Variants in SMARCA4 observed in about 807,000 individuals in gnomAD.
The protein encoded by SMARCA4 is SWI/SNF related BAF chromatin remodeling complex subunit ATPase 4, also known as SWI/SNF-related matrix-associated actin-dependent regulator of chromatin subfamily A member 4.
A neutral mutation model predicts 193.9 loss-of-function variants in SMARCA4; 31 were observed. The observed-to-expected ratio is 0.16, with a 90% confidence interval of 0.12 to 0.22. SMARCA4 has a LOEUF of 0.22. SMARCA4 is among the 10% of genes least tolerant of loss of function. SMARCA4 has a pLI of 1.00. For missense variants in SMARCA4, 1,148 were observed against 2,296.0 expected, an observed-to-expected ratio of 0.50 and a Z score of 10.22; for synonymous variants, 942 against 933.1, an observed-to-expected ratio of 1.01 and a Z score of -0.17.
At chr19:11,046,680 C>T (rs563599550) in intron 30 of SMARCA4, among the ~76,000 whole-genome samples, 169 of 152,156 alleles carry the variant, frequency 1.1e-3, no homozygotes, top group Non-Finnish European at 1.9e-3. Context: ...CTCAGCTGGG[C>T]GTAGTGGTCA....
intron 6 of SMARCA4, 142 bp from the exon 7 acceptor site, chr19:10,989,174 GC>G: frequency 9.7e-7 from 1 of 1,031,358 alleles, no homozygotes; most frequent in Non-Finnish European, 1.5e-6. Flanking sequence ...GCTGTGCCCT[GC>G]GGCCAGCATC....
rs918120009 is a variant in SMARCA4 at position 10,984,571 on chromosome 19, C to T, written c.222+198C>T. Among the ~76,000 whole-genome samples, 6 of 152,386 alleles carry T rather than the reference C, an allele frequency of 3.9e-5. No individual in the cohort carries two copies. The highest frequency in any genetic ancestry group is 1.9e-4 in the East Asian group (1 of 5,182). On this transcript the variant is annotated intron_variant, in intron 2 of 34. Coordinates refer to ENST00000344626, the MANE Select transcript of SMARCA4 (RefSeq NM_003072.5). This position sits in a 1 kb window ranked among gnomAD's most constrained non-coding sequence, Gnocchi z 4.3. ...CTCGTCAGACCCCAGCCTGTGCTGG[C>T]GCATGATCTGGGCCCCGCGGGCACC...
intron 1 of SMARCA4, among the ~76,000 whole-genome samples, chr19:10,982,279 G>T (rs2085614428): frequency 6.6e-6 from 1 of 152,018 alleles, no homozygotes; most frequent in African/African-American, 2.4e-5. Context: ...TTCAAGACCA[G>T]CCTGAATAAC....
At position 11,010,456 on chromosome 19, in the gene SMARCA4, C is replaced by T. The variant is rs538629432; in HGVS notation, c.2199C>T (p.Ala733=). 1.2e-4 allele frequency: 188 copies of T among 1,614,030 alleles called. No homozygotes were observed. The highest frequency in any genetic ancestry group is 9.9e-4 in the South Asian group (90 of 91,082). The change falls in exon 15 of 35, where the codon GCC becomes GCT. Residue 733 remains alanine (A), a synonymous_variant. Coordinates refer to ENST00000344626, the MANE Select transcript of SMARCA4 (RefSeq NM_003072.5). Reference sequence around the variant, plus strand: ...CACGTGGCCTGCAGTCCTACTATGCCGTGGCCCATGCTGTCACTGAGAGAG... The same window carrying T: ...CACGTGGCCTGCAGTCCTACTATGCTGTGGCCCATGCTGTCACTGAGAGAG... ...ALARGLQSYY[A]VAHAVTERVD... is the part of the protein sequence containing the mutation.
At chr19:10,996,585 C>T (rs1043635016) in intron 11 of SMARCA4, 41 bp downstream of exon 11, 1 of 1,579,934 alleles carries the variant, frequency 6.3e-7, no homozygotes, top group Non-Finnish European at 8.7e-7. Flanking sequence ...CAAGCTAGCC[C>T]TAAGGCGTTG....
At chr19:11,024,182 C>T (rs1365975298) in intron 20 of SMARCA4, 149 bp from the exon 21 acceptor site, 1 of 698,648 alleles carries the variant, frequency 1.4e-6, no homozygotes, top group Non-Finnish European at 2.6e-6. Flanking sequence ...CCTCTTCTCC[C>T]CAGCTGTGAG....
At chr19:10,962,389 G>T (rs900005997) in intron 1 of SMARCA4, among the ~76,000 whole-genome samples, 6 of 152,142 alleles carry the variant, frequency 3.9e-5, no homozygotes, top group African/African-American at 1.2e-4. Context: ...AGGGGAGCGG[G>T]TGGTAAATGT....
rs1487331275 is a variant in SMARCA4 at position 10,985,817 on chromosome 19, C to T, written c.356-372C>T. On this transcript the variant is annotated intron_variant, in intron 3 of 34. Coordinates refer to ENST00000344626, the MANE Select transcript of SMARCA4 (RefSeq NM_003072.5). The surrounding 1 kb of genome is among the most constrained non-coding windows in gnomAD (Gnocchi z 4.5). The stretch of plus-strand genomic sequence containing the variant: ...GGGTGACTTTCCAAGGCCTTGCTGT[C>T]ATCAGGGGTGGGAAGCTCAGGGGCT... 2.0e-5 allele frequency among the ~76,000 whole-genome samples: 3 copies of T among 152,078 alleles called. No individual in the cohort carries two copies. The highest frequency in any genetic ancestry group is 7.2e-5 in the African/African-American group (3 of 41,386).
At chr19:11,008,305 C>T in intron 14 of SMARCA4, 1 of 397,548 alleles carries the variant, frequency 2.5e-6, no homozygotes, top group Admixed American at 3.4e-5. Flanking sequence ...GGCTCCCTCC[C>T]TTTCCACTAC....
intron 29 of SMARCA4, among the ~76,000 whole-genome samples, chr19:11,038,032 A>T (rs531960128): frequency 5.9e-5 from 9 of 152,358 alleles, no homozygotes; most frequent in African/African-American, 2.2e-4. Context: ...GTGAACTCAA[A>T]GCCTTCAAAA....
chr19:11,000,530 T>G (rs2087530877), intron 11 of SMARCA4, among the ~76,000 whole-genome samples: 1 of 150,918 alleles, frequency 6.6e-6, no homozygotes, highest in Non-Finnish European at 1.5e-5. Context: ...TGAGACAGGG[T>G]CTCTCTCTGT....
chr19:11,048,956 G>C (rs561425406), intron 30 of SMARCA4, among the ~76,000 whole-genome samples: 1 of 152,238 alleles, frequency 6.6e-6, no homozygotes, highest in South Asian at 2.1e-4. Flanking sequence ...TCACAGCCAC[G>C]GTCCTTTACA....
chr19:11,008,319 C>T lies in SMARCA4; in HGVS notation c.2123+296C>T, dbSNP rs146697848. The T allele has an allele frequency of 7.8e-6, 3 of 383,650 alleles. No homozygotes were observed. In the East Asian group the frequency reaches 1.8e-4, roughly 23 times the overall value. The allele number at this position is 383,650 out of a possible 1,614,324, so 23.8% of individuals were successfully genotyped here. On this transcript the variant is annotated intron_variant, in intron 14 of 34. Transcript: ENST00000344626. ...CGGCTCCCTCCCTTTCCACTACCCT[C>T]CCTGGGGAAACTTTCCAGCCTTGTG...
chr19:11,030,046 G>T lies in SMARCA4; in HGVS notation c.3383-684G>T, dbSNP rs779491465. Among the ~76,000 whole-genome samples the T allele has an allele frequency of 2.6e-5, 4 of 152,146 alleles. No homozygotes were observed. Among genetic ancestry groups the T allele is most frequent in the Admixed American group, 6.5e-5 (1 of 15,286 alleles). ...CACCTCTGTCCGAACTCCCAGCAGC[G>T]CAGGGAGTGTTGACATTGCCTTAAT... On this transcript the variant is annotated intron_variant, in intron 24 of 34. Coordinates refer to ENST00000344626, the MANE Select transcript of SMARCA4 (RefSeq NM_003072.5). The surrounding 1 kb of genome is among the most constrained non-coding windows in gnomAD (Gnocchi z 5.5).
At chr19:10,980,029 T>C (rs1287242153) in intron 1 of SMARCA4, among the ~76,000 whole-genome samples, 2 of 152,176 alleles carry the variant, frequency 1.3e-5, no homozygotes, top group Non-Finnish European at 2.9e-5. Flanking sequence ...CTCCACTTTG[T>C]GCTGCAAGTC....
rs374167170 is a variant in SMARCA4, at chr19:10,987,880, G to A, written c.1074G>A (p.Pro358=). Residue 358 remains proline, a synonymous_variant, in exon 6 of 35, where the codon CCG becomes CCA. Transcript: ENST00000344626. The surrounding 1 kb of genome is among the most constrained non-coding windows in gnomAD (Gnocchi z 5.3). ...KQSRITPIQK[P]RGLDPVEILQ... ...GCCGCATCACCCCCATCCAGAAGCC[G>A]CGGGGCCTCGACCCTGTGGAGATCC... The A allele has an allele frequency of 1.2e-4, 195 of 1,612,926 alleles. No individual in the cohort carries two copies. The highest frequency in any genetic ancestry group is 1.6e-4 in the Non-Finnish European group (190 of 1,179,938).
intron 1 of SMARCA4, chr19:10,983,789 T>C (rs1298965752): frequency 7.8e-6 from 3 of 383,914 alleles, no homozygotes; most frequent in Non-Finnish European, 4.9e-6. Context: ...GATAAGCAAG[T>C]GGAGAGCAGT....
At chr19:11,026,259 T>C (rs966651383) in intron 22 of SMARCA4, 41 bp from the exon 23 acceptor site, 1 of 1,576,316 alleles carries the variant, frequency 6.3e-7, no homozygotes, top group Non-Finnish European at 8.7e-7. Context: ...CCCGGTGGCC[T>C]GCTCCTGCCT....
rs2145771332 is a variant in SMARCA4, at chr19:10,986,201, C to T, written c.368C>T (p.Pro123Leu). 1 of 1,613,868 alleles carries T rather than the reference C, an allele frequency of 6.2e-7. No homozygotes were observed. Among genetic ancestry groups the T allele is most frequent in the Non-Finnish European group, 8.5e-7 (1 of 1,179,984 alleles). ...MDQHSQGYPS[P>L]LGGSEHASSP... ...CCTTTCTCTGCAGGTTACCCCTCGC[C>T]CCTGGGTGGCTCTGAGCATGCCTCT... The change falls in exon 4 of 35, where the codon CCC (proline) becomes CTC (leucine). Residue 123 changes from proline (P) to leucine (L), a missense_variant. Physicochemically the swap from Pro to Leu is moderately conservative, Grantham distance 98 (BLOSUM62 -3). Coordinates refer to ENST00000344626, the MANE Select transcript of SMARCA4 (RefSeq NM_003072.5). The surrounding 1 kb of genome is among the most constrained non-coding windows in gnomAD (Gnocchi z 6.7).
Sources: gnomAD v4.1 joint callset for allele counts (sites outside exome capture counted in the v4.1 genomes callset) on GRCh38, gnomAD v4.1.1 for gene constraint, Gnocchi (gnomAD v3.1) non-coding constraint, MANE v1.5 for transcripts, NCBI Gene and HGNC (gene_info 2026-07-23, HGNC 2026-07-21) for gene names.